The following CTNND2 variants were observed in gnomAD, a reference collection of about 807,000 sequenced individuals.
The protein encoded by CTNND2 is catenin delta 2.
A neutral mutation model predicts 144.4 loss-of-function variants in CTNND2; 22 were observed. The ratio of observed to expected loss-of-function variants is 0.15; its 90% confidence interval spans 0.11 to 0.22. CTNND2 has a LOEUF of 0.22. CTNND2 is among the 10% of genes least tolerant of loss of function. The probability of loss-of-function intolerance (pLI) is 1.00; values close to 1 mark genes in which losing one functional copy is unlikely to be tolerated. For missense variants in CTNND2, 1,353 were observed against 1,618.8 expected, an observed-to-expected ratio of 0.84 and a Z score of 2.82; for synonymous variants, 751 against 695.6, an observed-to-expected ratio of 1.08 and a Z score of -1.25.
In CTNND2 at chr5:11,903,666, G is replaced by T; in HGVS notation, c.37+151C>A. Reference sequence around the variant, plus strand: ...CCGAGGGGGACCTGGCGCGATCGCGGTCCTCCCCGAGGCAGGCAGAAACCC... The same window carrying T: ...CCGAGGGGGACCTGGCGCGATCGCGTTCCTCCCCGAGGCAGGCAGAAACCC... On this transcript the variant is annotated intron_variant, in intron 1 of 21. Transcript: ENST00000304623. This position sits in a 1 kb window ranked among gnomAD's most constrained non-coding sequence, Gnocchi z 5.4. The T allele has an allele frequency of 6.0e-6, 5 of 832,308 alleles. No individual in the cohort carries two copies. The highest frequency in any genetic ancestry group is 8.5e-6 in the Non-Finnish European group (5 of 590,706). The allele number at this position is 832,308 out of a possible 1,614,324, so 51.6% of individuals were successfully genotyped here.
intron 9 of CTNND2, among the ~76,000 whole-genome samples, chr5:11,322,167 C>T (rs1164578878): frequency 6.6e-6 from 1 of 152,128 alleles, no homozygotes; most frequent in Admixed American, 6.5e-5. Flanking sequence ...CTTCAATTGC[C>T]TCATGCAGCT....
intron 9 of CTNND2, among the ~76,000 whole-genome samples, chr5:11,299,519 C>T (rs1048637463): frequency 3.9e-5 from 6 of 152,174 alleles, no homozygotes; most frequent in East Asian, 1.9e-4. Context: ...CAGCCTCTCC[C>T]GTTCCCACCT....
intron 9 of CTNND2, among the ~76,000 whole-genome samples, chr5:11,240,850 A>G (rs1472630440): frequency 1.3e-4 from 18 of 139,478 alleles, no homozygotes; most frequent in African/African-American, 4.3e-4. Flanking sequence ...ACACACACCC[A>G]ACACATACAC....
rs190478317 is a variant in CTNND2, at chr5:10,987,304, C to T, written c.3343+807G>A. Among the ~76,000 whole-genome samples, 524 of 152,282 alleles carry T rather than the reference C, an allele frequency of 3.4e-3. 9 individuals carry two copies. The highest frequency in any genetic ancestry group is 1.5e-3 in the Non-Finnish European group (102 of 68,026). ...AGAAGCATATACAGAGTGTACAAGACGTACAGACTATACAGTGACTTAAGG... is the reference window on the plus strand; with the variant it reads ...AGAAGCATATACAGAGTGTACAAGATGTACAGACTATACAGTGACTTAAGG... On this transcript the variant is annotated intron_variant, in intron 20 of 21. Transcript: ENST00000304623.
chr5:11,787,170 C>T (rs975367592), intron 1 of CTNND2, among the ~76,000 whole-genome samples: 11 of 152,204 alleles, frequency 7.2e-5, no homozygotes, highest in Admixed American at 3.9e-4. Context: ...TTATTAGTAC[C>T]AATAAATTTT....
At chr5:10,977,357 C>T (rs1736624664) in intron 21 of CTNND2, among the ~76,000 whole-genome samples, 1 of 152,186 alleles carries the variant, frequency 6.6e-6, no homozygotes, top group Admixed American at 6.5e-5. Flanking sequence ...ATCCTGTTGT[C>T]AGCTAGATAG....
rs184627228 is a variant in CTNND2 at position 11,264,733 on chromosome 5, C to T, written c.1629-27910G>A. On this transcript the variant is annotated intron_variant, in intron 9 of 21. Coordinates refer to ENST00000304623, the MANE Select transcript of CTNND2 (RefSeq NM_001332.4). ...TGGCCTGAGCTCAGGAGTTCAAGAC[C>T]AGCCTAGGCAACATGGGGAAACCCT... Among the ~76,000 whole-genome samples, 523 of 152,226 alleles carry T rather than the reference C, an allele frequency of 3.4e-3. 3 individuals carry two copies. Among genetic ancestry groups the T allele is most frequent in the African/African-American group, 0.012 (502 of 41,532 alleles).
At chr5:10,991,728 G>A (rs1043142898) in intron 19 of CTNND2, among the ~76,000 whole-genome samples, 7 of 152,154 alleles carry the variant, frequency 4.6e-5, no homozygotes, top group African/African-American at 1.4e-4. Flanking sequence ...AGTTGGCTAC[G>A]ATAATAATTT....
chr5:11,509,408 C>T (rs1419128942), intron 3 of CTNND2, among the ~76,000 whole-genome samples: 1 of 152,028 alleles, frequency 6.6e-6, no homozygotes, highest in Non-Finnish European at 1.5e-5. Context: ...AATGTTTATC[C>T]AGTTCAAAAC....
intron 3 of CTNND2, among the ~76,000 whole-genome samples, chr5:11,538,706 G>A (rs60883018): frequency 0.63 from 94,838 of 151,352 alleles, 29,833 homozygotes; most frequent in Admixed American, 0.7. Flanking sequence ...GTGAGTAATT[G>A]ATTTCTTGGT....
At chr5:11,558,443 G>T (rs1158250523) in intron 3 of CTNND2, among the ~76,000 whole-genome samples, 1 of 151,774 alleles carries the variant, frequency 6.6e-6, no homozygotes, top group Non-Finnish European at 1.5e-5. Flanking sequence ...TTAGCTCACA[G>T]CAGCCTTGAC....
intron 1 of CTNND2, among the ~76,000 whole-genome samples, chr5:11,764,822 C>T (rs1220375262): frequency 3.9e-5 from 6 of 152,088 alleles, no homozygotes; most frequent in Non-Finnish European, 7.3e-5. Context: ...AACAACAAAA[C>T]CAGTTTCTAC....
At chr5:11,699,690 T>A (rs1159995347) in intron 2 of CTNND2, among the ~76,000 whole-genome samples, 1 of 152,194 alleles carries the variant, frequency 6.6e-6, no homozygotes, top group Non-Finnish European at 1.5e-5. Context: ...CCTTCCTTCT[T>A]CTTATTGCCA....
chr5:11,872,747 T>C (rs1246333981), intron 1 of CTNND2, among the ~76,000 whole-genome samples: 1 of 152,204 alleles, frequency 6.6e-6, no homozygotes, highest in Non-Finnish European at 1.5e-5. Flanking sequence ...TCTTGTAAAT[T>C]TGTTTAAGTT....
chr5:11,030,995 C>T lies in CTNND2; in HGVS notation c.2789-8016G>A, dbSNP rs76932356. 4.5e-3 allele frequency among the ~76,000 whole-genome samples: 680 copies of T among 152,186 alleles called. 4 individuals carry two copies. The highest frequency in any genetic ancestry group is 0.016 in the African/African-American group (647 of 41,522). On this transcript the variant is annotated intron_variant, in intron 16 of 21. Transcript: ENST00000304623. The stretch of plus-strand genomic sequence containing the variant: ...TTGAGAATTAGCCTTAAGATCTTCA[C>T]AGATGTTTTCTGAGCATGAGAGTTT...
chr5:11,127,028 C>A (rs1013483004), intron 12 of CTNND2, among the ~76,000 whole-genome samples: 1 of 152,238 alleles, frequency 6.6e-6, no homozygotes, highest in South Asian at 2.1e-4. Context: ...ATACCATCCA[C>A]GCACATCCGT....
intron 12 of CTNND2, among the ~76,000 whole-genome samples, chr5:11,147,908 T>C (rs147658193): frequency 1.3e-5 from 2 of 152,160 alleles, no homozygotes; most frequent in East Asian, 3.9e-4. Context: ...AGCCGAAGAG[T>C]GAACACAGCT....
intron 3 of CTNND2, among the ~76,000 whole-genome samples, chr5:11,533,896 T>C (rs867836801): frequency 2.6e-5 from 4 of 152,312 alleles, no homozygotes; most frequent in Middle Eastern, 6.8e-3. Flanking sequence ...TGATCTGGAC[T>C]GTAGAGGGTG....
intron 14 of CTNND2, among the ~76,000 whole-genome samples, chr5:11,107,612 G>T (rs1489581436): frequency 6.6e-6 from 1 of 152,234 alleles, no homozygotes; most frequent in African/African-American, 2.4e-5. Flanking sequence ...GATACTTTTT[G>T]ACACATACAC....
Sources: gnomAD v4.1 joint callset for allele counts (sites outside exome capture counted in the v4.1 genomes callset) on GRCh38, gnomAD v4.1.1 for gene constraint, Gnocchi (gnomAD v3.1) non-coding constraint, MANE v1.5 for transcripts, NCBI Gene and HGNC (gene_info 2026-07-23, HGNC 2026-07-21) for gene names.